Variants in UMAD1 observed in about 807,000 individuals in gnomAD.
UMAD1 encodes the protein UBAP1-MVB12-associated (UMA) domain containing 1, also known as UBAP1-MVB12-associated (UMA)-domain containing protein 1.
UMAD1 carries 8 observed loss-of-function variants against 6.1 expected under a neutral mutation model. The ratio of observed to expected loss-of-function variants is 1.30; its 90% CI spans 0.76 to 2.35. The LOEUF is 2.35. UMAD1 is among the 30% of genes most tolerant of loss of function. The pLI is 0.00. For missense variants in UMAD1, 130 were observed against 78.4 expected (o/e 1.66, Z -2.49); for synonymous variants, 56 against 31.4 (o/e 1.78, Z -2.61).
chr7:7,778,593 T>C (rs1782275644), intron 2 of UMAD1, among the ~76,000 whole-genome samples: 1 of 152,062 alleles, frequency 6.6e-6, no homozygotes, highest in Non-Finnish European at 1.5e-5. Flanking sequence ...TTTTTTATAT[T>C]TTTGTAGAGA....
chr7:7,699,514 G>A (rs1330868802), intron 2 of UMAD1, among the ~76,000 whole-genome samples: 3 of 152,276 alleles, frequency 2.0e-5, no homozygotes, highest in African/African-American at 4.8e-5. Context: ...CAGGAGCAGT[G>A]GAAAGTTTCA....
At chr7:7,675,711 C>T (rs1583721501) in intron 2 of UMAD1, among the ~76,000 whole-genome samples, 2 of 152,160 alleles carry the variant, frequency 1.3e-5, no homozygotes, top group African/African-American at 2.4e-5. Flanking sequence ...TAATTGGTGT[C>T]GTACCCAGCA....
chr7:7,752,797 G>T (rs1781703217), intron 2 of UMAD1, among the ~76,000 whole-genome samples: 2 of 152,002 alleles, frequency 1.3e-5, no homozygotes. Context: ...ATTTCATGAT[G>T]TTTATTTTCA....
chr7:7,828,490 G>A (rs1379233836), intron 3 of UMAD1, among the ~76,000 whole-genome samples: 1 of 152,170 alleles, frequency 6.6e-6, no homozygotes, highest in African/African-American at 2.4e-5. Context: ...ATACAGCTCT[G>A]ACTCATGCTT....
At chr7:7,867,560 G>T (rs937695263) in intron 3 of UMAD1, among the ~76,000 whole-genome samples, 1 of 152,186 alleles carries the variant, frequency 6.6e-6, no homozygotes, top group African/African-American at 2.4e-5. Flanking sequence ...GGTCATTTCA[G>T]ATTAGCACTT....
intron 3 of UMAD1, among the ~76,000 whole-genome samples, chr7:7,804,346 C>G (rs994543822): frequency 1.3e-5 from 2 of 152,208 alleles, no homozygotes; most frequent in Non-Finnish European, 2.9e-5. Flanking sequence ...CAGTAAGCAT[C>G]TAACATGGGA....
At chr7:7,723,278 A>C (rs1206628180) in intron 2 of UMAD1, among the ~76,000 whole-genome samples, 2 of 152,204 alleles carry the variant, frequency 1.3e-5, no homozygotes, top group Non-Finnish European at 2.9e-5. Flanking sequence ...GGTGTGGGAT[A>C]ATGGTGGAAG....
At chr7:7,861,997 A>G (rs962320228) in intron 3 of UMAD1, among the ~76,000 whole-genome samples, 3 of 152,198 alleles carry the variant, frequency 2.0e-5, no homozygotes, top group African/African-American at 7.2e-5. Context: ...GTTGTTTGTC[A>G]TAACATTTAA....
intron 2 of UMAD1, among the ~76,000 whole-genome samples, chr7:7,773,985 CTTTT>C (rs1212590612): frequency 5.3e-5 from 8 of 152,194 alleles, no homozygotes; most frequent in Admixed American, 5.2e-4. Flanking sequence ...CTACTGATTT[CTTTT>C]GTCTCTCCTC....
At chr7:7,673,678 G>A (rs1372276610) in intron 2 of UMAD1, among the ~76,000 whole-genome samples, 3 of 150,046 alleles carry the variant, frequency 2.0e-5, no homozygotes, top group Non-Finnish European at 4.4e-5. Flanking sequence ...TGTTCTCCAA[G>A]TTAAATGTGT....
At chr7:7,817,950 A>G (rs966660647) in intron 3 of UMAD1, among the ~76,000 whole-genome samples, 3 of 152,072 alleles carry the variant, frequency 2.0e-5, no homozygotes, top group African/African-American at 4.8e-5. Context: ...AGTCACTGGG[A>G]CTATAGGCAT....
At chr7:7,650,537 T>C (rs1361827229) in intron 1 of UMAD1, among the ~76,000 whole-genome samples, 2 of 152,240 alleles carry the variant, frequency 1.3e-5, no homozygotes, top group African/African-American at 4.8e-5. Flanking sequence ...AACAGGATGG[T>C]AGTGATGGCT....
chr7:7,682,896 T>C (rs1314394020), intron 2 of UMAD1, among the ~76,000 whole-genome samples: 2 of 152,232 alleles, frequency 1.3e-5, no homozygotes, highest in East Asian at 3.8e-4. Context: ...TGTGGAGTTG[T>C]GTGTCTAATG....
At chr7:7,711,057 A>G (rs1248812454) in intron 2 of UMAD1, among the ~76,000 whole-genome samples, 1 of 152,164 alleles carries the variant, frequency 6.6e-6, no homozygotes, top group Non-Finnish European at 1.5e-5. Flanking sequence ...GTTAGAGGCA[A>G]GTGTGTGTGG....
At chr7:7,790,522 G>T (rs970870183) in intron 2 of UMAD1, among the ~76,000 whole-genome samples, 1 of 152,158 alleles carries the variant, frequency 6.6e-6, no homozygotes, top group Non-Finnish European at 1.5e-5. Context: ...TTCTTCTCAG[G>T]CTCCTAATGG....
intron 3 of UMAD1, among the ~76,000 whole-genome samples, chr7:7,831,704 G>T (rs757367567): frequency 6.6e-6 from 1 of 152,098 alleles, no homozygotes; most frequent in African/African-American, 2.4e-5. Flanking sequence ...CATTGACACC[G>T]TTGGGATAAT....
At chr7:7,704,804 T>G (rs1056522738) in intron 2 of UMAD1, among the ~76,000 whole-genome samples, 40 of 148,770 alleles carry the variant, frequency 2.7e-4, no homozygotes, top group Non-Finnish European at 5.4e-4. Context: ...GACTTGCTTC[T>G]GTACTTAAAT....
intron 2 of UMAD1, among the ~76,000 whole-genome samples, chr7:7,780,654 C>G (rs1782326108): frequency 6.6e-6 from 1 of 152,154 alleles, no homozygotes; most frequent in African/African-American, 2.4e-5. Context: ...CAAAGCAATC[C>G]TGACTTCTAA....
At chr7:7,806,457 G>C (rs185504449) in intron 3 of UMAD1, among the ~76,000 whole-genome samples, 3 of 152,188 alleles carry the variant, frequency 2.0e-5, no homozygotes. Context: ...AGCTTAATTA[G>C]CTTTATGACC....
Sources: gnomAD v4.1 joint callset for allele counts (sites outside exome capture counted in the v4.1 genomes callset) on GRCh38, gnomAD v4.1.1 for gene constraint, MANE v1.5 for transcripts, NCBI Gene and HGNC (gene_info 2026-07-23, HGNC 2026-07-21) for gene names.